Variants in PCDHGB4 observed in about 807,000 individuals in gnomAD.
PCDHGB4 encodes the protein protocadherin gamma subfamily B, 4.
A neutral mutation model predicts 60.5 loss-of-function variants in PCDHGB4; 38 were observed. That is an observed-to-expected ratio of 0.63 (90% CI 0.48 to 0.82). The LOEUF (loss-of-function observed/expected upper bound fraction) is 0.82. Ranked by LOEUF, PCDHGB4 falls within the 40% of genes least tolerant of loss-of-function variation. PCDHGB4 has a pLI of 0.00. For synonymous variants in PCDHGB4, 456 were observed against 509.7 expected (o/e 0.89, Z 1.42); for missense variants, 1,109 against 1,209.6 (o/e 0.92, Z 1.23).
chr5:141,422,568 C>T (rs372115955), intron 1 of PCDHGB4: 91 of 1,613,904 alleles, frequency 5.6e-5, no homozygotes, highest in Non-Finnish European at 7.5e-5. Flanking sequence ...CAGATGACAA[C>T]GATAACCCTC....
At chr5:141,395,535 C>T in intron 1 of PCDHGB4, 1 of 331,902 alleles carries the variant, frequency 3.0e-6, no homozygotes, top group Non-Finnish European at 5.4e-6. Flanking sequence ...GGTAATTTTG[C>T]TATTGTTTGT....
intron 1 of PCDHGB4, chr5:141,415,979 C>T (rs2095978015): frequency 2.8e-6 from 1 of 351,190 alleles, no homozygotes; most frequent in Middle Eastern, 8.3e-4. Flanking sequence ...TTAAGCAACC[C>T]TCTTGTTCTG....
Position 141,490,387 on chromosome 5 carries a change from G to C in PCDHGB4, c.2398-4420G>C. 2 of 1,614,196 alleles carry C rather than the reference G, an allele frequency of 1.2e-6. No individual in the cohort carries two copies. The highest frequency in any genetic ancestry group is 1.7e-6 in the Non-Finnish European group (2 of 1,180,034). On this transcript the variant is annotated intron_variant, in intron 1 of 3. Transcript: ENST00000519479. This position sits in a 1 kb window ranked among gnomAD's most constrained non-coding sequence, Gnocchi z 5.4. ...GCGAGACCGGGACTCAGGTAGAAATGGTGAAGTGAGCCTTGATATCTCTCC... is the reference window on the plus strand; with the variant it reads ...GCGAGACCGGGACTCAGGTAGAAATCGTGAAGTGAGCCTTGATATCTCTCC...
intron 1 of PCDHGB4, chr5:141,407,996 T>G: frequency 1.1e-6 from 1 of 872,310 alleles, no homozygotes; most frequent in Middle Eastern, 3.6e-4. Flanking sequence ...GCCTCTGGCC[T>G]GGGATTCCCT....
At chr5:141,443,845 A>C (rs923351698) in intron 1 of PCDHGB4, among the ~76,000 whole-genome samples, 19 of 152,224 alleles carry the variant, frequency 1.2e-4, no homozygotes, top group Admixed American at 5.9e-4. Context: ...GGTAATATGG[A>C]AAGTCTGAAA....
intron 1 of PCDHGB4, chr5:141,424,478 G>A (rs953233220): frequency 3.3e-5 from 5 of 151,898 alleles, no homozygotes; most frequent in Admixed American, 6.6e-5. Context: ...CTTTTACTTT[G>A]GTGTCTGTGT....
rs2096779089 is a variant in PCDHGB4, at chr5:141,423,760, G to GA, written c.2397+33479_2397+33480insA. On this transcript the variant is annotated intron_variant, in intron 1 of 3. Transcript: ENST00000519479. ...GTTATGAAAACTGTTTGGGGGGGGG[G>GA]TGGGGCGGCATATATTTAGTTCATA... 1.1e-5 allele frequency: 3 copies of GA among 279,664 alleles called. 1 individual carries two copies. Among genetic ancestry groups the GA allele is most frequent in the African/African-American group, 6.7e-5 (2 of 29,702 alleles). The allele number at this position is 279,664 out of a possible 1,614,324, so 17.3% of individuals were successfully genotyped here.
intron 1 of PCDHGB4, among the ~76,000 whole-genome samples, chr5:141,482,689 C>T (rs145383957): frequency 7.1e-6 from 1 of 140,984 alleles, no homozygotes; most frequent in East Asian, 1.9e-4. Flanking sequence ...GCTTGTCAGA[C>T]AGTAAAGGGG....
Position 141,389,117 on chromosome 5 carries a change from G to A in PCDHGB4, c.1233G>A (p.Glu411=). 1 of 1,614,024 alleles carries A rather than the reference G, an allele frequency of 6.2e-7. No individual in the cohort carries two copies. Among genetic ancestry groups the A allele is most frequent in the Admixed American group, 1.7e-5 (1 of 60,026 alleles). ...KLVTDAVLDR[E]QNPEYNITVT... ...TGACAGATGCTGTTCTAGACCGCGAGCAGAATCCAGAGTACAATATAACCG... is the reference window on the plus strand; with the variant it reads ...TGACAGATGCTGTTCTAGACCGCGAACAGAATCCAGAGTACAATATAACCG... Residue 411 remains glutamate, a synonymous_variant, in exon 1 of 4, where the codon GAG becomes GAA. Coordinates refer to ENST00000519479, the MANE Select transcript of PCDHGB4 (RefSeq NM_003736.4).
At chr5:141,495,400 C>T (rs554849650) in intron 2 of PCDHGB4, among the ~76,000 whole-genome samples, 4 of 152,278 alleles carry the variant, frequency 2.6e-5, no homozygotes, top group Non-Finnish European at 1.5e-5. Flanking sequence ...ATGGAGCAGG[C>T]CCCCTTCTCC....
At position 141,432,781 on chromosome 5, in the gene PCDHGB4, C is replaced by T. The variant is rs761954375; in HGVS notation, c.2397+42500C>T. On this transcript the variant is annotated intron_variant, in intron 1 of 3. Coordinates refer to ENST00000519479, the MANE Select transcript of PCDHGB4 (RefSeq NM_003736.4). This position sits in a 1 kb window ranked among gnomAD's most constrained non-coding sequence, Gnocchi z 6.0. ...ACAGCATCCCCCAAGTCCTGGCGGA[C>T]CTCGGCAGCCTCGAGTCTCCAGCTA... The T allele has an allele frequency of 3.1e-6, 5 of 1,614,064 alleles. No homozygotes were observed. The Admixed American group carries it at 8.3e-5, about 27-fold the overall frequency.
At chr5:141,483,009 C>G (rs538900128) in intron 1 of PCDHGB4, among the ~76,000 whole-genome samples, 1 of 152,060 alleles carries the variant, frequency 6.6e-6, no homozygotes, top group South Asian at 2.1e-4. Context: ...TGCTTGAACC[C>G]GGGAGGCAGA....
At chr5:141,409,030 G>C (rs377547144) in intron 1 of PCDHGB4, 2 of 1,614,010 alleles carry the variant, frequency 1.2e-6, no homozygotes, top group South Asian at 2.2e-5. Context: ...TCAATGCTGA[G>C]ATAAACTACT....
intron 1 of PCDHGB4, chr5:141,394,466 C>T (rs765078363): frequency 1.2e-6 from 2 of 1,614,222 alleles, no homozygotes; most frequent in Non-Finnish European, 8.5e-7. Flanking sequence ...TGAGCCTGTT[C>T]GTGCTGGACC....
At chr5:141,444,637 G>C (rs2098443357) in intron 1 of PCDHGB4, among the ~76,000 whole-genome samples, 1 of 152,236 alleles carries the variant, frequency 6.6e-6, no homozygotes, top group Non-Finnish European at 1.5e-5. Context: ...CCAGTTCATT[G>C]AGGTAGGGGT....
chr5:141,431,799 T>A lies in PCDHGB4; in HGVS notation c.2397+41518T>A. 6.2e-7 allele frequency: 1 copy of A among 1,614,228 alleles called. No homozygotes were observed. The highest frequency in any genetic ancestry group is 8.5e-7 in the Non-Finnish European group (1 of 1,180,036). On this transcript the variant is annotated intron_variant, in intron 1 of 3. Transcript: ENST00000519479. This position sits in a 1 kb window ranked among gnomAD's most constrained non-coding sequence, Gnocchi z 4.8. ...GACGTGAACGACAATGCCCCAGAAG[T>A]GGTCCTCACCTCTCTCGCCAGCTCG...
rs1330713312 is a variant in PCDHGB4 at position 141,414,559 on chromosome 5, T to G, written c.2397+24278T>G. The stretch of plus-strand genomic sequence containing the variant: ...ACCTACCTTCTCTCAAGTCTCCTAC[T>G]TTACCTATATCCCAGAGAACAACGC... On this transcript the variant is annotated intron_variant, in intron 1 of 3. Coordinates refer to ENST00000519479, the MANE Select transcript of PCDHGB4 (RefSeq NM_003736.4). 5.0e-6 allele frequency: 8 copies of G among 1,613,782 alleles called. No homozygotes were observed. The Admixed American group carries it at 1.0e-4, about 20-fold the overall frequency.
intron 1 of PCDHGB4, among the ~76,000 whole-genome samples, chr5:141,470,825 C>A (rs557419577): frequency 6.6e-6 from 1 of 152,182 alleles, no homozygotes; most frequent in Admixed American, 6.5e-5. Context: ...GTAGTTAGGA[C>A]GACAAACACA....
chr5:141,394,048 G>A (rs1285768639), intron 1 of PCDHGB4: 5 of 1,613,504 alleles, frequency 3.1e-6, no homozygotes, highest in South Asian at 1.1e-5. Context: ...TATTTGGACC[G>A]AGAAAATGTC....
Sources: allele counts gnomAD v4.1 joint callset (sites outside exome capture counted in the v4.1 genomes callset), GRCh38; gene constraint gnomAD v4.1.1; non-coding constraint Gnocchi (gnomAD v3.1); transcripts MANE v1.5; gene names NCBI Gene and HGNC (gene_info 2026-07-23, HGNC 2026-07-21).